TULP4: variants seen among roughly 807,000 people sequenced by gnomAD.
The protein encoded by TULP4 is TUB like protein 4, also known as tubby-related protein 4.
TULP4 carries 16 observed loss-of-function variants against 129.0 expected under a neutral mutation model. The observed-to-expected ratio is 0.12, with a 90% CI of 0.08 to 0.19. The LOEUF is 0.19. Ranked by LOEUF, TULP4 falls within the 10% of genes least tolerant of loss-of-function variation. The pLI is 1.00. For missense variants in TULP4, 1,842 were observed against 2,059.1 expected (o/e 0.89, Z 2.04); for synonymous variants, 998 against 854.0 (o/e 1.17, Z -2.94).
chr6:158,407,836 G>T lies in TULP4; in HGVS notation c.253-5229G>T, dbSNP rs148460525. ...TAGGGCTGGAGGGAAATATTGTGGGGTTGGTTGGTGGTAGCTAAAAAGTAC... is the reference window on the plus strand; with the variant it reads ...TAGGGCTGGAGGGAAATATTGTGGGTTTGGTTGGTGGTAGCTAAAAAGTAC... On this transcript the variant is annotated intron_variant, in intron 1 of 13. Transcript: ENST00000367097. Among the ~76,000 whole-genome samples the T allele has an allele frequency of 1.6e-3, 251 of 152,330 alleles. 1 individual carries two copies. The highest frequency in any genetic ancestry group is 0.01 in the Middle Eastern group (3 of 294).
At chr6:158,469,693 C>A (rs1779630743) in intron 6 of TULP4, among the ~76,000 whole-genome samples, 1 of 151,918 alleles carries the variant, frequency 6.6e-6, no homozygotes, top group Non-Finnish European at 1.5e-5. Flanking sequence ...TGGAGTCATC[C>A]ACATGGAGGC....
At chr6:158,243,255 G>A (rs923899860) in intron 1 of TULP4, among the ~76,000 whole-genome samples, 4 of 151,916 alleles carry the variant, frequency 2.6e-5, no homozygotes, top group Non-Finnish European at 5.9e-5. Flanking sequence ...ATATAATTTT[G>A]TCTGTAAATA....
chr6:158,280,386 C>T (rs1185331803), upstream of TULP4, among the ~76,000 whole-genome samples: 2 of 152,094 alleles, frequency 1.3e-5, no homozygotes, highest in Non-Finnish European at 2.9e-5. Context: ...ATCTTTTCTT[C>T]ATTTTTCTTT....
At position 158,260,641 on chromosome 6, in the gene TULP4, A is replaced by G. The variant is rs374176157; in HGVS notation, n.68+28338A>G. Among the ~76,000 whole-genome samples, 18 of 151,894 alleles carry G rather than the reference A, an allele frequency of 1.2e-4. No homozygotes were observed. In the South Asian group the frequency reaches 3.7e-3, roughly 32 times the overall value. ...GCATAAGGATGACAGTTGATGCTGA[A>G]GGAGATCGCCTAGGCAGAGTGAGGG... On this transcript the variant is annotated intron_variant and non_coding_transcript_variant, in intron 1 of 1. Transcript: ENST00000620026.
At chr6:158,496,807 A>G (rs780962456) in intron 11 of TULP4, among the ~76,000 whole-genome samples, 4 of 152,226 alleles carry the variant, frequency 2.6e-5, no homozygotes, top group African/African-American at 7.2e-5. Context: ...AAGATCTTAC[A>G]ATGAGAGAGC....
intron 1 of TULP4, among the ~76,000 whole-genome samples, chr6:158,347,822 A>T (rs1780347614): frequency 6.6e-6 from 1 of 151,554 alleles, no homozygotes; most frequent in Non-Finnish European, 1.5e-5. Flanking sequence ...CTTTTTTATC[A>T]CTATTAGATT....
chr6:158,277,889 G>C (rs887242832), upstream of TULP4, among the ~76,000 whole-genome samples: 1 of 152,084 alleles, frequency 6.6e-6, no homozygotes, highest in Non-Finnish European at 1.5e-5. Flanking sequence ...TGGTCTTTCT[G>C]GGCCATCTCA....
At chr6:158,312,404 A>T (rs990050816), upstream of TULP4, 6 of 314,090 alleles carry the variant, frequency 1.9e-5, no homozygotes, top group Non-Finnish European at 2.3e-5. Context: ...AACCACAAAA[A>T]TATTCTCCAG....
At chr6:158,404,839 T>C (rs910512286) in intron 1 of TULP4, among the ~76,000 whole-genome samples, 14 of 152,008 alleles carry the variant, frequency 9.2e-5, no homozygotes, top group African/African-American at 3.1e-4. Flanking sequence ...GTCATTTTTT[T>C]CCTCAGACAA....
chr6:158,358,649 A>G (rs1056679597), intron 1 of TULP4, among the ~76,000 whole-genome samples: 1 of 152,224 alleles, frequency 6.6e-6, no homozygotes, highest in African/African-American at 2.4e-5. Flanking sequence ...ACATATGAGA[A>G]ACGGTTCTGC....
chr6:158,367,096 T>C (rs1776935089), intron 1 of TULP4, among the ~76,000 whole-genome samples: 1 of 152,122 alleles, frequency 6.6e-6, no homozygotes, highest in Non-Finnish European at 1.5e-5. Context: ...TCCTGTTGGC[T>C]CCAAGACCAC....
intron 2 of TULP4, among the ~76,000 whole-genome samples, chr6:158,419,087 G>A (rs879859395): frequency 6.6e-6 from 1 of 152,112 alleles, no homozygotes; most frequent in South Asian, 2.1e-4. Flanking sequence ...AGTATAATTG[G>A]TTGGAACATA....
intron 1 of TULP4, among the ~76,000 whole-genome samples, chr6:158,401,972 A>C (rs1325314491): frequency 6.6e-6 from 1 of 152,154 alleles, no homozygotes; most frequent in Non-Finnish European, 1.5e-5. Context: ...GAATGTTGGC[A>C]CTAGCTCTAC....
chr6:158,239,644 C>T (rs1411970366), intron 1 of TULP4, among the ~76,000 whole-genome samples: 2 of 64,560 alleles, frequency 3.1e-5, no homozygotes, highest in Non-Finnish European at 3.5e-5. Context: ...GGGGGCTGAC[C>T]CCCCCACCTC....
At chr6:158,237,554 T>A in intron 1 of TULP4, 1 of 1,552,548 alleles carries the variant, frequency 6.4e-7, no homozygotes. Context: ...TGGGTCCCTT[T>A]TCCCATCTGA....
At chr6:158,468,361 G>A (rs1463515380) in intron 6 of TULP4, among the ~76,000 whole-genome samples, 1 of 152,150 alleles carries the variant, frequency 6.6e-6, no homozygotes, top group East Asian at 1.9e-4. Flanking sequence ...ATAAATTACC[G>A]AAGTTACACA....
At chr6:158,452,291 C>T (rs773777303) in intron 5 of TULP4, 23 bp downstream of exon 5, 4 of 1,612,292 alleles carry the variant, frequency 2.5e-6, no homozygotes, top group Non-Finnish European at 3.4e-6. Context: ...GCACACACCC[C>T]AAACCTGCAG....
At chr6:158,394,035 T>C (rs939566824) in intron 1 of TULP4, among the ~76,000 whole-genome samples, 4 of 152,236 alleles carry the variant, frequency 2.6e-5, no homozygotes, top group African/African-American at 9.6e-5. Context: ...TGAACACATA[T>C]GACTTCATGC....
intron 1 of TULP4, among the ~76,000 whole-genome samples, chr6:158,334,101 A>G (rs1187812298): frequency 6.6e-6 from 1 of 152,228 alleles, no homozygotes; most frequent in Non-Finnish European, 1.5e-5. Context: ...CACAGTAAAA[A>G]GTGCCCTCTC....
Sources: allele counts gnomAD v4.1 joint callset (sites outside exome capture counted in the v4.1 genomes callset), GRCh38; gene constraint gnomAD v4.1.1; transcripts MANE v1.5; gene names NCBI Gene and HGNC (gene_info 2026-07-23, HGNC 2026-07-21).